PCDH7: variants seen among roughly 807,000 people sequenced by gnomAD.
PCDH7 encodes protocadherin 7, also known as protocadherin-7.
PCDH7 carries 17 observed loss-of-function variants against 58.9 expected under a neutral mutation model. That is an observed-to-expected ratio of 0.29 (90% CI 0.20 to 0.43). The LOEUF (loss-of-function observed/expected upper bound fraction) is 0.43, where lower values mean the gene tolerates loss of function less well. Ranked by LOEUF, PCDH7 falls within the 20% of genes least tolerant of loss-of-function variation. The pLI, the probability that PCDH7 is intolerant of heterozygous loss-of-function variation, is 1.00. For missense variants in PCDH7, 1,274 were observed against 1,441.0 expected (o/e 0.88, Z 1.88); for synonymous variants, 664 against 616.4 (o/e 1.08, Z -1.14).
chr4:30,778,156 T>TA lies in PCDH7; in HGVS notation c.70+53568dup, dbSNP rs535009813. ...TGTTGTCTTATATACTAAGTATCATTAAAAAAAATTCTGCTTCCATTAACA... is the reference window on the plus strand; with the variant it reads ...TGTTGTCTTATATACTAAGTATCATTAAAAAAAAATTCTGCTTCCATTAACA... On this transcript the variant is annotated intron_variant, in intron 1 of 3. Transcript: ENST00000509759. Among the ~76,000 whole-genome samples, 222 of 152,076 alleles carry TA rather than the reference T, an allele frequency of 1.5e-3. 1 individual carries two copies. The highest frequency in any genetic ancestry group is 8.1e-3 in the East Asian group (42 of 5,170).
chr4:30,797,756 C>T lies in PCDH7; in HGVS notation c.70+73160C>T, dbSNP rs115339890. 3.4e-3 allele frequency among the ~76,000 whole-genome samples: 513 copies of T among 152,202 alleles called. 3 individuals carry two copies. Among genetic ancestry groups the T allele is most frequent in the African/African-American group, 0.012 (487 of 41,540 alleles). On this transcript the variant is annotated intron_variant, in intron 1 of 3. Transcript: ENST00000509759. Reference sequence around the variant, plus strand: ...GTAGATTACTAGATTGCTTACTAAACAATGGTTGAATACATTTGATGCTGT... The same window carrying T: ...GTAGATTACTAGATTGCTTACTAAATAATGGTTGAATACATTTGATGCTGT...
At chr4:30,762,910 G>A (rs1025887616) in intron 1 of PCDH7, among the ~76,000 whole-genome samples, 10 of 152,172 alleles carry the variant, frequency 6.6e-5, no homozygotes, top group African/African-American at 1.9e-4. Context: ...CCAATGAGAT[G>A]GGCAGAGGTA....
At position 30,852,035 on chromosome 4, in the gene PCDH7, A is replaced by C. The variant is rs568635377; in HGVS notation, c.71-68118A>C. 8.7e-4 allele frequency among the ~76,000 whole-genome samples: 132 copies of C among 152,230 alleles called. 3 individuals are homozygous for C. Among genetic ancestry groups the C allele is most frequent in the Non-Finnish European group, 2.5e-4 (17 of 68,000 alleles). The stretch of plus-strand genomic sequence containing the variant: ...GAAAGCAATAGATAAAATATGTAGA[A>C]GGTACCATTTAATGTTCTGTGCTAT... On this transcript the variant is annotated intron_variant, in intron 1 of 3. Coordinates refer to the PCDH7 transcript ENST00000509759.
chr4:30,793,672 T>A (rs1463167224), intron 1 of PCDH7, among the ~76,000 whole-genome samples: 2 of 152,200 alleles, frequency 1.3e-5, no homozygotes, highest in African/African-American at 2.4e-5. Context: ...CAGATTTTTT[T>A]AAAAGGCATT....
At chr4:31,072,883 G>A (rs1304469203) in intron 3 of PCDH7, among the ~76,000 whole-genome samples, 3 of 152,014 alleles carry the variant, frequency 2.0e-5, no homozygotes, top group Non-Finnish European at 4.4e-5. Context: ...GCTGTGTAGG[G>A]GTCATTCTTT....
intron 1 of PCDH7, among the ~76,000 whole-genome samples, chr4:30,908,929 C>T (rs988500160): frequency 2.0e-5 from 3 of 152,062 alleles, no homozygotes; most frequent in Admixed American, 6.6e-5. Flanking sequence ...TGAAAATCCT[C>T]GATAAAATAC....
intron 3 of PCDH7, among the ~76,000 whole-genome samples, chr4:31,025,862 C>A (rs924192000): frequency 2.6e-5 from 4 of 152,066 alleles, no homozygotes; most frequent in African/African-American, 9.7e-5. Context: ...TAACAAAAAC[C>A]CTTTCTCTAT....
chr4:31,123,810 T>A (rs1717967252), intron 3 of PCDH7, among the ~76,000 whole-genome samples: 1 of 151,994 alleles, frequency 6.6e-6, no homozygotes, highest in African/African-American at 2.4e-5. Context: ...GCTCTCAGTG[T>A]GATGGGGGTC....
Position 31,030,425 on chromosome 4 carries a change from G to A in PCDH7, c.*7+80210G>A, listed in dbSNP as rs73815162. ...AGGAATGCTATCTGAAGACTAGCCA[G>A]GGTTAGCTATAGACAAAGAGGGAAA... On this transcript the variant is annotated intron_variant, in intron 3 of 3. Coordinates refer to the PCDH7 transcript ENST00000509759. Among the ~76,000 whole-genome samples, 690 of 152,268 alleles carry A rather than the reference G, an allele frequency of 4.5e-3. 7 individuals are homozygous for A. Among genetic ancestry groups the A allele is most frequent in the African/African-American group, 0.016 (668 of 41,544 alleles).
exon 2 of PCDH7, chr4:30,732,442 A>G (rs1715648253): frequency 6.6e-6 from 1 of 152,256 alleles, no homozygotes; most frequent in Non-Finnish European, 1.5e-5. Context: ...GCAATCACAT[A>G]GAAGTGATAT....
chr4:30,760,489 T>A (rs907089370), intron 1 of PCDH7, among the ~76,000 whole-genome samples: 1 of 152,130 alleles, frequency 6.6e-6, no homozygotes, highest in Non-Finnish European at 1.5e-5. Flanking sequence ...TAAGCAACTT[T>A]AGCAAAGTCT....
chr4:31,000,378 C>T (rs1752265514), intron 3 of PCDH7, among the ~76,000 whole-genome samples: 2 of 152,058 alleles, frequency 1.3e-5, no homozygotes, highest in Non-Finnish European at 2.9e-5. Flanking sequence ...TAGTTTATAT[C>T]TGAACGTATT....
chr4:30,870,719 G>A (rs997486660), intron 1 of PCDH7, among the ~76,000 whole-genome samples: 7 of 152,064 alleles, frequency 4.6e-5, no homozygotes, highest in African/African-American at 1.7e-4. Context: ...GGCATCACTT[G>A]GAAGCCATTG....
intron 3 of PCDH7, among the ~76,000 whole-genome samples, chr4:31,086,349 C>T (rs1425521956): frequency 6.6e-6 from 1 of 152,082 alleles, no homozygotes; most frequent in Admixed American, 6.6e-5. Context: ...GATGATGTCC[C>T]GCAGTTATTT....
At chr4:30,771,859 T>A (rs543973696) in intron 1 of PCDH7, among the ~76,000 whole-genome samples, 1 of 152,186 alleles carries the variant, frequency 6.6e-6, no homozygotes, top group African/African-American at 2.4e-5. Flanking sequence ...GGAATATAGA[T>A]AGCCTTTTCT....
At chr4:31,013,984 CA>C (rs1330224098) in intron 3 of PCDH7, among the ~76,000 whole-genome samples, 2 of 151,598 alleles carry the variant, frequency 1.3e-5, no homozygotes, top group Non-Finnish European at 2.9e-5. Context: ...CTAATATTTG[CA>C]AAGAAATCAT....
chr4:31,024,550 C>A (rs1419314500), intron 3 of PCDH7, among the ~76,000 whole-genome samples: 1 of 151,996 alleles, frequency 6.6e-6, no homozygotes, highest in East Asian at 1.9e-4. Flanking sequence ...TAATTTAAAC[C>A]TGTTTGTGTA....
intron 3 of PCDH7, among the ~76,000 whole-genome samples, chr4:31,074,477 C>A (rs1027818266): frequency 6.6e-6 from 1 of 151,824 alleles, no homozygotes; most frequent in Admixed American, 6.6e-5. Context: ...TATGCAAAGA[C>A]ATTTGTTTGG....
intron 1 of PCDH7, among the ~76,000 whole-genome samples, chr4:30,897,341 T>G (rs1424171269): frequency 2.0e-5 from 3 of 152,188 alleles, no homozygotes; most frequent in Non-Finnish European, 4.4e-5. Flanking sequence ...TAACCATATT[T>G]AGTAAATGCT....
Sources: gnomAD v4.1 joint callset for allele counts (sites outside exome capture counted in the v4.1 genomes callset) on GRCh38, gnomAD v4.1.1 for gene constraint, MANE v1.5 for transcripts, NCBI Gene and HGNC (gene_info 2026-07-23, HGNC 2026-07-21) for gene names.